Variants in PRELID2 observed in about 807,000 individuals in gnomAD.
PRELID2 encodes the protein PRELI domain containing 2, also known as PRELI domain-containing protein 2.
In PRELID2, 25 loss-of-function variants were observed where a neutral mutation model predicts 28.4. The ratio of observed to expected loss-of-function variants is 0.88; its 90% CI spans 0.64 to 1.23. The LOEUF (loss-of-function observed/expected upper bound fraction) is 1.23. Ranked by LOEUF, PRELID2 falls within the 50% of genes most tolerant of loss-of-function variation. The pLI is 0.00. For missense variants in PRELID2, 201 were observed against 214.4 expected (o/e 0.94, Z 0.39); for synonymous variants, 76 against 71.6 (o/e 1.06, Z -0.31).
chr5:145,414,528 CT>C, the PRELID2 span, among the ~76,000 whole-genome samples: 2 of 152,114 alleles, frequency 1.3e-5, no homozygotes, highest in African/African-American at 2.4e-5. Context: ...ACTTTTCTTT[CT>C]TTTTCAATTA....
intron 1 of PRELID2, among the ~76,000 whole-genome samples, chr5:145,564,946 C>T (rs1561507211): frequency 6.6e-6 from 1 of 152,168 alleles, no homozygotes; most frequent in Non-Finnish European, 1.5e-5. Flanking sequence ...TGAAGTGACA[C>T]CCCACCCTGC....
At chr5:145,319,602 C>A in the PRELID2 span, among the ~76,000 whole-genome samples, 21 of 152,120 alleles carry the variant, frequency 1.4e-4, no homozygotes, top group East Asian at 5.8e-4. Context: ...ACCCGTGAGG[C>A]AGAGGTTGCA....
chr5:145,336,215 T>C, the PRELID2 span, among the ~76,000 whole-genome samples: 1 of 152,074 alleles, frequency 6.6e-6, no homozygotes. Flanking sequence ...TTCTCCCATT[T>C]TGTAGGTTGC....
At chr5:145,556,222 A>C (rs574995098) in intron 1 of PRELID2, among the ~76,000 whole-genome samples, 2 of 151,920 alleles carry the variant, frequency 1.3e-5, no homozygotes, top group Non-Finnish European at 2.9e-5. Context: ...ACTTTTACTC[A>C]AACTAGGTTG....
intron 1 of PRELID2, among the ~76,000 whole-genome samples, chr5:145,628,346 C>T (rs542338428): frequency 1.8e-4 from 28 of 152,050 alleles, no homozygotes; most frequent in Non-Finnish European, 2.5e-4. Context: ...ATTTTTTAGA[C>T]GGATTCTCAC....
chr5:145,810,760 C>T (rs1057457451), intron 4 of PRELID2, among the ~76,000 whole-genome samples: 9 of 152,152 alleles, frequency 5.9e-5, no homozygotes, highest in East Asian at 1.9e-4. Context: ...TCTCTATGTA[C>T]GACTTCATTT....
the PRELID2 span, among the ~76,000 whole-genome samples, chr5:145,425,320 A>G: frequency 6.6e-5 from 10 of 152,352 alleles, no homozygotes; most frequent in East Asian, 1.9e-3. Context: ...GTGTAAATTT[A>G]TTCAACTATT....
chr5:145,737,890 G>A (rs1201560422), intron 1 of PRELID2, among the ~76,000 whole-genome samples: 1 of 152,176 alleles, frequency 6.6e-6, no homozygotes, highest in Non-Finnish European at 1.5e-5. Context: ...AGACTGTGAG[G>A]AGCCTGGACT....
chr5:145,266,115 C>T, the PRELID2 span, among the ~76,000 whole-genome samples: 2 of 151,854 alleles, frequency 1.3e-5, no homozygotes, highest in African/African-American at 4.8e-5. Flanking sequence ...AACAAATCAG[C>T]AAGAAAAAAA....
the PRELID2 span, among the ~76,000 whole-genome samples, chr5:145,414,455 A>T: frequency 6.6e-6 from 1 of 152,138 alleles, no homozygotes. Context: ...ACGTGTAGTT[A>T]CCCTCTTTAC....
chr5:145,709,610 G>A (rs1169279563), intron 1 of PRELID2, among the ~76,000 whole-genome samples: 1 of 151,016 alleles, frequency 6.6e-6, no homozygotes, highest in African/African-American at 2.4e-5. Flanking sequence ...AATGAAGTGT[G>A]TCTGCTCTGT....
chr5:145,384,354 C>T, the PRELID2 span, among the ~76,000 whole-genome samples: 1 of 152,066 alleles, frequency 6.6e-6, no homozygotes, highest in African/African-American at 2.4e-5. Flanking sequence ...GAAAACAATG[C>T]AAATGTTCAT....
the PRELID2 span, among the ~76,000 whole-genome samples, chr5:145,413,406 A>G: frequency 1.3e-5 from 2 of 152,208 alleles, no homozygotes; most frequent in African/African-American, 2.4e-5. Flanking sequence ...TACAACCAAT[A>G]TGGAAAACAG....
At chr5:145,510,277 T>C (rs1377358005) in intron 1 of PRELID2, among the ~76,000 whole-genome samples, 2 of 152,234 alleles carry the variant, frequency 1.3e-5, no homozygotes, top group Non-Finnish European at 2.9e-5. Flanking sequence ...TTCTTTGCTC[T>C]TCCCTCACCA....
the PRELID2 span, among the ~76,000 whole-genome samples, chr5:145,343,885 A>G: frequency 6.6e-6 from 1 of 151,868 alleles, no homozygotes; most frequent in Admixed American, 6.6e-5. Flanking sequence ...TTATAAACAG[A>G]TATATACCAA....
At chr5:145,229,881 G>A in the PRELID2 span, 3 of 751,906 alleles carry the variant, frequency 4.0e-6, no homozygotes, top group Middle Eastern at 7.3e-4. Context: ...GGTCCTCAAG[G>A]GCCAGGTGTA....
intron 1 of PRELID2, among the ~76,000 whole-genome samples, chr5:145,581,423 G>A (rs751886342): frequency 1.2e-4 from 19 of 152,134 alleles, no homozygotes; most frequent in Non-Finnish European, 2.1e-4. Flanking sequence ...GGAGGTTTGC[G>A]TCTTCATTCT....
intron 1 of PRELID2, among the ~76,000 whole-genome samples, chr5:145,744,288 G>A (rs1333626922): frequency 6.6e-6 from 1 of 152,208 alleles, no homozygotes; most frequent in African/African-American, 2.4e-5. Context: ...TTAGTTCTGA[G>A]GAATCTGGGC....
intron 1 of PRELID2, among the ~76,000 whole-genome samples, chr5:145,488,644 G>T (rs933162337): frequency 6.6e-6 from 1 of 152,204 alleles, no homozygotes; most frequent in African/African-American, 2.4e-5. Context: ...CTGGCATTCA[G>T]TATTACGTAA....
Sources: allele counts gnomAD v4.1 joint callset (sites outside exome capture counted in the v4.1 genomes callset), GRCh38; gene constraint gnomAD v4.1.1; transcripts MANE v1.5; gene names NCBI Gene and HGNC (gene_info 2026-07-23, HGNC 2026-07-21).